The following DPP6 variants were observed in gnomAD, a reference collection of about 807,000 sequenced individuals.
DPP6 encodes dipeptidyl peptidase like 6.
A neutral mutation model predicts 122.6 loss-of-function variants in DPP6; 69 were observed. The ratio of observed to expected loss-of-function variants is 0.56; its 90% CI spans 0.46 to 0.69. The LOEUF is 0.69. Ranked by LOEUF, DPP6 falls within the 30% of genes least tolerant of loss-of-function variation. The probability of loss-of-function intolerance (pLI) is 0.00; values close to 1 mark genes in which losing one functional copy is unlikely to be tolerated. For synonymous variants in DPP6, 418 were observed against 433.1 expected (o/e 0.97, Z 0.43); for missense variants, 928 against 1,116.9 (o/e 0.83, Z 2.41).
intron 1 of DPP6, among the ~76,000 whole-genome samples, chr7:153,896,612 C>A (rs1241837676): frequency 2.0e-5 from 3 of 152,090 alleles, no homozygotes; most frequent in African/African-American, 7.2e-5. Flanking sequence ...TGATACCAGC[C>A]TGTGCAACAT....
At chr7:154,347,721 A>G (rs2151073317) in intron 1 of DPP6, among the ~76,000 whole-genome samples, 1 of 152,362 alleles carries the variant, frequency 6.6e-6, no homozygotes, top group South Asian at 2.1e-4. Context: ...CAACAATGGT[A>G]GCAGGTGTTT....
chr7:154,686,204 G>T (rs951461933), intron 7 of DPP6, among the ~76,000 whole-genome samples: 2 of 152,282 alleles, frequency 1.3e-5, no homozygotes, highest in East Asian at 1.9e-4. Context: ...TATCAGGGAT[G>T]GTGTCAGAAC....
At chr7:153,773,664 T>C in the DPP6 span, among the ~76,000 whole-genome samples, 1 of 151,448 alleles carries the variant, frequency 6.6e-6, no homozygotes, top group Non-Finnish European at 1.5e-5. Context: ...TACATCAAAG[T>C]ATAAATAAAC....
chr7:154,645,889 A>G (rs1196178759), intron 6 of DPP6, among the ~76,000 whole-genome samples: 6 of 151,900 alleles, frequency 3.9e-5, no homozygotes, highest in South Asian at 2.1e-4. Context: ...TTAGCCAGGC[A>G]TGGTGGTGGG....
At chr7:153,949,736 G>T (rs1158084574) in intron 1 of DPP6, among the ~76,000 whole-genome samples, 1 of 152,210 alleles carries the variant, frequency 6.6e-6, no homozygotes, top group Admixed American at 6.5e-5. Flanking sequence ...AGTTTACTGT[G>T]TGTAACTGCA....
At chr7:154,488,359 G>A (rs1011322049) in intron 3 of DPP6, among the ~76,000 whole-genome samples, 5 of 151,778 alleles carry the variant, frequency 3.3e-5, no homozygotes, top group Admixed American at 2.6e-4. Context: ...GCGTGGTGGC[G>A]GGTGCCTGTA....
chr7:154,854,187 G>A (rs1195266055), intron 17 of DPP6, among the ~76,000 whole-genome samples: 1 of 152,170 alleles, frequency 6.6e-6, no homozygotes, highest in African/African-American at 2.4e-5. Context: ...GACTTGAGGG[G>A]CACATGGAGG....
intron 1 of DPP6, among the ~76,000 whole-genome samples, chr7:153,956,957 A>C (rs1189711902): frequency 6.6e-6 from 1 of 152,230 alleles, no homozygotes; most frequent in African/African-American, 2.4e-5. Flanking sequence ...TGTTAAAAAA[A>C]ATTCCGAAAC....
At chr7:154,475,081 C>A in intron 3 of DPP6, 44 bp downstream of exon 3, 1 of 1,423,808 alleles carries the variant, frequency 7.0e-7, no homozygotes. Context: ...TTCCCCATGC[C>A]TCACCCCCAC....
intron 1 of DPP6, among the ~76,000 whole-genome samples, chr7:153,995,427 A>G (rs1018206358): frequency 1.3e-5 from 2 of 152,064 alleles, no homozygotes; most frequent in African/African-American, 4.8e-5. Flanking sequence ...TCTACTAAAA[A>G]TACAAAAAAT....
intron 1 of DPP6, among the ~76,000 whole-genome samples, chr7:154,429,910 AC>A (rs1818218959): frequency 6.6e-6 from 1 of 152,164 alleles, no homozygotes; most frequent in African/African-American, 2.4e-5. Flanking sequence ...TATTATGGTC[AC>A]CACCAGCACA....
chr7:154,882,055 G>A (rs1805435965), intron 21 of DPP6, among the ~76,000 whole-genome samples: 2 of 152,310 alleles, frequency 1.3e-5, no homozygotes, highest in South Asian at 2.1e-4. Context: ...TTTTCCAGTC[G>A]TCACTCTGCC....
chr7:154,120,123 G>A (rs978991440), intron 1 of DPP6, among the ~76,000 whole-genome samples: 2 of 152,004 alleles, frequency 1.3e-5, no homozygotes, highest in African/African-American at 4.8e-5. Flanking sequence ...ATTACCTGTG[G>A]TCTCCAGGTG....
At chr7:153,759,557 T>G in the DPP6 span, among the ~76,000 whole-genome samples, 1 of 151,952 alleles carries the variant, frequency 6.6e-6, no homozygotes, top group Non-Finnish European at 1.5e-5. Context: ...GGTCTCAAAC[T>G]CCTATCTTCA....
intron 1 of DPP6, among the ~76,000 whole-genome samples, chr7:153,994,181 C>T (rs1190673952): frequency 6.6e-6 from 1 of 151,484 alleles, no homozygotes; most frequent in African/African-American, 2.4e-5. Context: ...ATACCATCTG[C>T]CTTTCCTCTA....
At chr7:154,639,927 T>C (rs920877752) in intron 6 of DPP6, among the ~76,000 whole-genome samples, 1 of 152,100 alleles carries the variant, frequency 6.6e-6, no homozygotes, top group African/African-American at 2.4e-5. Flanking sequence ...ACTGTATGCT[T>C]GAGTCTCAGC....
the DPP6 span, among the ~76,000 whole-genome samples, chr7:153,851,755 C>T: frequency 2.0e-5 from 3 of 152,008 alleles, no homozygotes; most frequent in Non-Finnish European, 4.4e-5. Context: ...TTTTTCTAGA[C>T]ATTCTTTCAT....
At chr7:154,651,050 C>T (rs1313360857) in intron 6 of DPP6, among the ~76,000 whole-genome samples, 1 of 152,168 alleles carries the variant, frequency 6.6e-6, no homozygotes, top group East Asian at 1.9e-4. Flanking sequence ...CTAAGAGGAG[C>T]TCTCAGGCAG....
chr7:153,972,758 T>A (rs1563063631), intron 1 of DPP6, among the ~76,000 whole-genome samples: 2 of 149,394 alleles, frequency 1.3e-5, no homozygotes, highest in African/African-American at 2.5e-5. Context: ...AATTGCAACT[T>A]TTTTTTTTTT....
Sources: gnomAD v4.1 joint callset for allele counts (sites outside exome capture counted in the v4.1 genomes callset) on GRCh38, gnomAD v4.1.1 for gene constraint, MANE v1.5 for transcripts, NCBI Gene and HGNC (gene_info 2026-07-23, HGNC 2026-07-21) for gene names.